SETD7: variants seen among roughly 807,000 people sequenced by gnomAD.
SETD7 encodes the protein SET domain containing 7, histone lysine methyltransferase, also known as histone-lysine N-methyltransferase SETD7.
A neutral mutation model predicts 41.8 loss-of-function variants in SETD7; 16 were observed. The ratio of observed to expected loss-of-function variants is 0.38; its 90% CI spans 0.26 to 0.58. SETD7 has a LOEUF of 0.58. Among genes scored for constraint, SETD7 ranks in the 20% least tolerant of loss-of-function variants. SETD7 has a pLI of 0.64. For synonymous variants in SETD7, 163 were observed against 169.7 expected, an observed-to-expected ratio of 0.96 and a Z score of 0.31; for missense variants, 346 against 459.7, an observed-to-expected ratio of 0.75 and a Z score of 2.26.
chr4:139,519,366 T>C (rs1284628776), intron 6 of SETD7, among the ~76,000 whole-genome samples: 1 of 152,228 alleles, frequency 6.6e-6, no homozygotes, highest in African/African-American at 2.4e-5. Flanking sequence ...TTGTGTAATC[T>C]CTCTAGGCTT....
chr4:139,516,405 G>T (rs1034891515), intron 7 of SETD7, among the ~76,000 whole-genome samples: 2 of 145,704 alleles, frequency 1.4e-5, no homozygotes, highest in African/African-American at 5.2e-5. Flanking sequence ...GGCAGAGGTT[G>T]CAGTGAGCCG....
In SETD7 at chr4:139,506,079, G is replaced by A. The variant is rs963418541; in HGVS notation, c.*5584C>T. ...TTAATACTTGCATTGTTTCTATAGC[G>A]CAATTATAGCAATCTTTAAATTTAC... On this transcript the variant is annotated 3_prime_UTR_variant, in exon 8 of 8. Transcript: ENST00000274031. 3.3e-5 allele frequency: 5 copies of A among 152,502 alleles called. No homozygotes were observed. The highest frequency in any genetic ancestry group is 1.9e-4 in the East Asian group (1 of 5,200). 9.4% of individuals were successfully genotyped at this position (152,502 alleles called of 1,614,324 possible).
intron 3 of SETD7, 24 bp from the exon 4 acceptor site, chr4:139,529,244 G>C (rs753501295): frequency 6.3e-7 from 1 of 1,583,644 alleles, no homozygotes; most frequent in Non-Finnish European, 8.6e-7. Flanking sequence ...CCAAAAACCA[G>C]AAAATATTAT....
At chr4:139,526,938 C>T (rs528207495) in intron 4 of SETD7, among the ~76,000 whole-genome samples, 17 of 152,370 alleles carry the variant, frequency 1.1e-4, no homozygotes, top group Non-Finnish European at 1.6e-4. Flanking sequence ...TTACTGCTTC[C>T]TTTTTTTAAA....
intron 2 of SETD7, among the ~76,000 whole-genome samples, chr4:139,538,612 C>T (rs945307252): frequency 3.9e-5 from 6 of 152,166 alleles, no homozygotes; most frequent in Admixed American, 2.0e-4. Flanking sequence ...TGTGAGCCAC[C>T]GCTCCTGGCC....
At chr4:139,503,101 C>A (rs558316692), downstream of SETD7, among the ~76,000 whole-genome samples, 2 of 142,192 alleles carry the variant, frequency 1.4e-5, no homozygotes, top group East Asian at 4.4e-4. Flanking sequence ...TTGCTTGAAC[C>A]TGGGAGGTGG....
rs949965537 is a variant in SETD7 at position 139,506,157 on chromosome 4, C to T, written c.*5506G>A. The T allele has an allele frequency of 6.6e-6, 1 of 152,580 alleles. No homozygotes were observed. Among genetic ancestry groups the T allele is most frequent in the African/African-American group, 2.4e-5 (1 of 41,428 alleles). 9.5% of individuals were successfully genotyped at this position (152,580 alleles called of 1,614,324 possible). On this transcript the variant is annotated 3_prime_UTR_variant, in exon 8 of 8. Transcript: ENST00000274031. Reference sequence around the variant, plus strand: ...GTTTCAGAAACATTTTTCCTACTCTCTTGCATCATGCACCCAGACACACTA... The same window carrying T: ...GTTTCAGAAACATTTTTCCTACTCTTTTGCATCATGCACCCAGACACACTA...
chr4:139,511,962 T>C, intron 7 of SETD7, 119 bp from the exon 8 acceptor site: 5 of 1,453,940 alleles, frequency 3.4e-6, no homozygotes, highest in South Asian at 1.5e-5. Context: ...ACACCTGGTA[T>C]GTGCCCAAAG....
chr4:139,520,345 A>G lies in SETD7; in HGVS notation c.694T>C (p.Ser232Pro). Residue 232 changes from serine (S) to proline (P), a missense_variant, in exon 6 of 8, where the codon TCA (serine) becomes CCA (proline). By Grantham distance (74) the Ser-to-Pro change is moderately conservative. This residue lies in a region of SETD7 where 266 missense variants were observed against 377.0 expected (regional missense o/e 0.71). Transcript: ENST00000274031. ...LISSAGEGLF[S>P]KVAVGPNTVM... ...GTATTAGGTCCCACAGCTACCTTTG[A>G]AAAAAGTCCTTCTCCAGCACTGGAA... 6.2e-7 allele frequency: 1 copy of G among 1,611,156 alleles called. No individual in the cohort carries two copies. The highest frequency in any genetic ancestry group is 8.5e-7 in the Non-Finnish European group (1 of 1,178,604).
intron 4 of SETD7, among the ~76,000 whole-genome samples, chr4:139,525,941 G>T (rs1291138600): frequency 6.6e-6 from 1 of 152,170 alleles, no homozygotes; most frequent in Admixed American, 6.5e-5. Flanking sequence ...AACACCTGAG[G>T]TCTGCAGGAA....
At chr4:139,520,687 A>C (rs1727155590) in intron 5 of SETD7, among the ~76,000 whole-genome samples, 1 of 152,178 alleles carries the variant, frequency 6.6e-6, no homozygotes, top group Non-Finnish European at 1.5e-5. Flanking sequence ...TTTTGGAAGA[A>C]TTTTATGTTT....
chr4:139,517,109 T>C (rs1329482126), intron 7 of SETD7, among the ~76,000 whole-genome samples: 1 of 152,248 alleles, frequency 6.6e-6, no homozygotes, highest in Non-Finnish European at 1.5e-5. Flanking sequence ...TCTGATTTTA[T>C]AGGTCTTTTC....
rs1049680639 is a variant in SETD7 at position 139,555,582 on chromosome 4, G to A, written c.40+516C>T. Among the ~76,000 whole-genome samples the A allele has an allele frequency of 6.6e-6, 1 of 152,066 alleles. No individual in the cohort carries two copies. Among genetic ancestry groups the A allele is most frequent in the Non-Finnish European group, 1.5e-5 (1 of 67,988 alleles). ...GCCGCGGCTGCCACGTGCCTGGTCT[G>A]GCCCCGTGCGCTGCGCCGGGGGACC... On this transcript the variant is annotated intron_variant, in intron 1 of 7. Coordinates refer to ENST00000274031, the MANE Select transcript of SETD7 (RefSeq NM_030648.4). The surrounding 1 kb of genome is among the most constrained non-coding windows in gnomAD (Gnocchi z 4.0).
intron 2 of SETD7, among the ~76,000 whole-genome samples, chr4:139,542,343 C>T (rs963588018): frequency 1.3e-5 from 2 of 152,064 alleles, no homozygotes; most frequent in African/African-American, 4.8e-5. Context: ...AACAGGGTGA[C>T]TACAGTCAAC....
At chr4:139,550,978 A>C (rs989466597) in intron 1 of SETD7, among the ~76,000 whole-genome samples, 5 of 152,176 alleles carry the variant, frequency 3.3e-5, no homozygotes, top group Non-Finnish European at 7.3e-5. Flanking sequence ...CATTCTAGAC[A>C]CTGGCAAACT....
downstream of SETD7, among the ~76,000 whole-genome samples, chr4:139,495,788 A>C (rs1726443254): frequency 6.6e-6 from 1 of 152,226 alleles, no homozygotes; most frequent in Admixed American, 6.5e-5. Flanking sequence ...GTAATGTTTA[A>C]TGATCTCTGA....
At chr4:139,504,244 C>T (rs1726650855), downstream of SETD7, among the ~76,000 whole-genome samples, 1 of 152,198 alleles carries the variant, frequency 6.6e-6, no homozygotes, top group Admixed American at 6.5e-5. Flanking sequence ...TAATCTTTTT[C>T]CGTGTACATT....
intron 4 of SETD7, among the ~76,000 whole-genome samples, chr4:139,528,644 T>G (rs1278575464): frequency 6.6e-6 from 1 of 152,178 alleles, no homozygotes; most frequent in Non-Finnish European, 1.5e-5. Flanking sequence ...AAGGTGAGGT[T>G]TCAAAAGGCA....
chr4:139,528,270 G>A (rs1287627648), intron 4 of SETD7, among the ~76,000 whole-genome samples: 1 of 152,166 alleles, frequency 6.6e-6, no homozygotes, highest in African/African-American at 2.4e-5. Flanking sequence ...ATTCCATTGG[G>A]TTCACTCATA....
Sources: gnomAD v4.1 joint callset for allele counts (sites outside exome capture counted in the v4.1 genomes callset) on GRCh38, gnomAD v4.1.1 for gene constraint, gnomAD v4.1.1 regional missense constraint, Gnocchi (gnomAD v3.1) non-coding constraint, MANE v1.5 for transcripts, NCBI Gene and HGNC (gene_info 2026-07-23, HGNC 2026-07-21) for gene names.